Variants in TBXAS1 observed in about 807,000 individuals in gnomAD.
TBXAS1 encodes thromboxane-A synthase.
A neutral mutation model predicts 60.7 loss-of-function variants in TBXAS1; 48 were observed. The ratio of observed to expected loss-of-function variants is 0.79; its 90% CI spans 0.63 to 1.01. The LOEUF is 1.01. Among genes scored for constraint, TBXAS1 ranks in the 50% least tolerant of loss-of-function variants. TBXAS1 has a pLI of 0.00. For missense variants in TBXAS1, 685 were observed against 686.3 expected (o/e 1.00, Z 0.02); for synonymous variants, 287 against 269.7 (o/e 1.06, Z -0.63).
intron 3 of TBXAS1, among the ~76,000 whole-genome samples, chr7:139,892,388 C>T (rs1170038568): frequency 1.3e-5 from 2 of 152,030 alleles, no homozygotes; most frequent in South Asian, 2.1e-4. Flanking sequence ...GTCAGGAGTT[C>T]GAGACCAGCC....
chr7:139,834,520 T>C (rs1048351743), intron 1 of TBXAS1, among the ~76,000 whole-genome samples: 3 of 151,588 alleles, frequency 2.0e-5, no homozygotes, highest in Admixed American at 6.6e-5. Flanking sequence ...AAAAGATAAA[T>C]TAAACAAAAA....
chr7:139,870,711 C>T (rs1034155008), intron 1 of TBXAS1, among the ~76,000 whole-genome samples: 1 of 152,170 alleles, frequency 6.6e-6, no homozygotes, highest in Admixed American at 6.5e-5. Context: ...TGGAGCCATA[C>T]GGTGGAAATC....
At chr7:140,000,325 T>C (rs1439955169) in intron 9 of TBXAS1, among the ~76,000 whole-genome samples, 1 of 152,056 alleles carries the variant, frequency 6.6e-6, no homozygotes, top group Non-Finnish European at 1.5e-5. Context: ...CATAGTGAGA[T>C]GTCCCCGCAT....
At chr7:139,881,264 T>A (rs1185569061) in intron 3 of TBXAS1, among the ~76,000 whole-genome samples, 1 of 152,222 alleles carries the variant, frequency 6.6e-6, no homozygotes, top group Non-Finnish European at 1.5e-5. Context: ...ACATTTGTTT[T>A]TGTGTTGTTG....
intron 3 of TBXAS1, among the ~76,000 whole-genome samples, chr7:139,784,111 G>GCCTGCCTT (rs918816181): frequency 2.4e-4 from 35 of 143,934 alleles, no homozygotes; most frequent in Non-Finnish European, 4.2e-4. Flanking sequence ...AATACTCCTA[G>GCCTGCCTT]CCTGCCTTCC....
intron 4 of TBXAS1, among the ~76,000 whole-genome samples, chr7:139,920,298 G>A (rs930103181): frequency 1.3e-5 from 2 of 152,186 alleles, no homozygotes; most frequent in Non-Finnish European, 2.9e-5. Context: ...AGGGGCAGAA[G>A]GGGCAAAGTT....
rs57545948 is a variant in TBXAS1 at position 139,852,935 on chromosome 7, TACACACACAC to T, written c.90-19254_90-19245del. Among the ~76,000 whole-genome samples, 6,217 of 127,412 alleles carry T rather than the reference TACACACACAC, an allele frequency of 0.049. 259 individuals are homozygous for T. Among genetic ancestry groups the T allele is most frequent in the African/African-American group, 0.097 (3,355 of 34,544 alleles). The allele number at this position is 127,412 out of a possible 152,430, so 83.6% of individuals were successfully genotyped here. The stretch of plus-strand genomic sequence containing the variant: ...TGTGTACCAACCTTGGCTACTCCAA[TACACACACAC>T]ACACACACACACACACACACACACA... On this transcript the variant is annotated intron_variant, in intron 1 of 12. Transcript: ENST00000448866. This position sits in a 1 kb window ranked among gnomAD's most constrained non-coding sequence, Gnocchi z 4.4.
chr7:139,975,063 G>C lies in TBXAS1; in HGVS notation c.1134+12830G>C, dbSNP rs1240514487. 6.6e-6 allele frequency among the ~76,000 whole-genome samples: 1 copy of C among 152,234 alleles called. No individual in the cohort carries two copies. Among genetic ancestry groups the C allele is most frequent in the African/African-American group, 2.4e-5 (1 of 41,460 alleles). ...GCTGGCAGTTTGGACAACCAGGCAG[G>C]AGTCAATGCAACAGTCTAGACACAG... On this transcript the variant is annotated intron_variant, in intron 9 of 12. Coordinates refer to ENST00000448866, the MANE Select transcript of TBXAS1 (RefSeq NM_001061.7). This position sits in a 1 kb window ranked among gnomAD's most constrained non-coding sequence, Gnocchi z 4.4.
At position 139,962,118 on chromosome 7, in the gene TBXAS1, T is replaced by A. The variant is rs1438486732; in HGVS notation, c.1019T>A (p.Ile340Asn). 4 of 1,614,218 alleles carry A rather than the reference T, an allele frequency of 2.5e-6. No individual in the cohort carries two copies. The highest frequency in any genetic ancestry group is 2.7e-5 in the African/African-American group (2 of 75,056). Residue 340 changes from isoleucine (I) to asparagine (N), a missense_variant, in exon 9 of 13, where the codon ATC becomes AAC. Physicochemically the swap from Ile to Asn is moderately radical, Grantham distance 149. Transcript: ENST00000448866. ...EIVGQAFIFLIAGYEIITNTL... is the reference protein window; with the variant it reads ...EIVGQAFIFLNAGYEIITNTL... ...GTGGGCCAGGCCTTCATCTTCCTCA[T>A]CGCTGGCTATGAAATCATCACCAAC...
intron 9 of TBXAS1, among the ~76,000 whole-genome samples, chr7:139,987,681 T>C (rs367714715): frequency 6.2e-4 from 95 of 152,332 alleles, no homozygotes; most frequent in Non-Finnish European, 9.7e-4. Context: ...TTAATTCTAA[T>C]GGAACCCTCC....
At chr7:140,016,056 T>C (rs10234513) in intron 11 of TBXAS1, among the ~76,000 whole-genome samples, 196 bp downstream of exon 11, 7,406 of 151,978 alleles carry the variant, frequency 0.049, 255 homozygotes, top group African/African-American at 0.087. Context: ...TAGCCACGCG[T>C]GGTGGCTCAT....
intron 9 of TBXAS1, among the ~76,000 whole-genome samples, chr7:139,995,619 C>T (rs1813233281): frequency 6.6e-6 from 1 of 152,188 alleles, no homozygotes; most frequent in Non-Finnish European, 1.5e-5. Flanking sequence ...TCCATAACCT[C>T]GTGTGAAAAG....
intron 10 of TBXAS1, among the ~76,000 whole-genome samples, chr7:140,012,164 C>A (rs1214402492): frequency 6.6e-6 from 1 of 152,134 alleles, no homozygotes; most frequent in South Asian, 2.1e-4. Context: ...GAGGGTGTGA[C>A]CAGCGTCTCC....
At chr7:140,017,928 C>G in intron 12 of TBXAS1, 95 bp downstream of exon 12, 2 of 1,560,282 alleles carry the variant, frequency 1.3e-6, no homozygotes, top group Non-Finnish European at 1.8e-6. Flanking sequence ...GGGGCAACAT[C>G]AGGCTCTGCC....
chr7:139,795,613 T>A (rs956156117), intron 4 of TBXAS1, among the ~76,000 whole-genome samples: 4 of 147,584 alleles, frequency 2.7e-5, no homozygotes, highest in Non-Finnish European at 6.0e-5. Context: ...TGAATGGTAA[T>A]GCCTAGGTTT....
chr7:139,940,312 G>A (rs1249565259), intron 5 of TBXAS1, among the ~76,000 whole-genome samples: 1 of 152,178 alleles, frequency 6.6e-6, no homozygotes, highest in African/African-American at 2.4e-5. Flanking sequence ...GTTTCTGGAT[G>A]CTTCCTCAAA....
intron 5 of TBXAS1, among the ~76,000 whole-genome samples, chr7:139,944,091 A>T (rs2284210): frequency 2.0e-5 from 3 of 151,984 alleles, no homozygotes; most frequent in East Asian, 1.9e-4. Context: ...AAGAGAAACA[A>T]GGTACATAAA....
chr7:139,867,274 T>A (rs1801489367), intron 1 of TBXAS1, among the ~76,000 whole-genome samples: 1 of 152,168 alleles, frequency 6.6e-6, no homozygotes, highest in South Asian at 2.1e-4. Flanking sequence ...TTGAAAGCAG[T>A]GCACCAAGTA....
rs117207790 is a variant in TBXAS1 at position 139,883,975 on chromosome 7, C to G, written c.236+8338C>G. ...GAGTCAAAATCAGCAATTTGAGAAG[C>G]AAAGGGCCAGATGATATCTGAAGTC... On this transcript the variant is annotated intron_variant, in intron 3 of 12. Transcript: ENST00000448866. Among the ~76,000 whole-genome samples, 885 of 152,310 alleles carry G rather than the reference C, an allele frequency of 5.8e-3. 7 individuals are homozygous for G. Among genetic ancestry groups the G allele is most frequent in the South Asian group, 0.026 (125 of 4,822 alleles).
Sources: allele counts gnomAD v4.1 joint callset (sites outside exome capture counted in the v4.1 genomes callset), GRCh38; gene constraint gnomAD v4.1.1; non-coding constraint Gnocchi (gnomAD v3.1); transcripts MANE v1.5; gene names NCBI Gene and HGNC (gene_info 2026-07-23, HGNC 2026-07-21).